NOL4: variants seen among roughly 807,000 people sequenced by gnomAD.
NOL4 encodes the protein nucleolar protein 4.
NOL4 carries 17 observed loss-of-function variants against 75.9 expected under a neutral mutation model. The observed-to-expected ratio is 0.22, with a 90% CI of 0.15 to 0.34. NOL4 has a LOEUF of 0.34. Ranked by LOEUF, NOL4 falls within the 10% of genes least tolerant of loss-of-function variation. The pLI is 1.00. For missense variants in NOL4, 614 were observed against 793.5 expected, an observed-to-expected ratio of 0.77 and a Z score of 2.72; for synonymous variants, 292 against 289.9, an observed-to-expected ratio of 1.01 and a Z score of -0.07.
intron 6 of NOL4, among the ~76,000 whole-genome samples, chr18:33,960,270 G>A (rs1212093787): frequency 6.6e-6 from 1 of 151,880 alleles, no homozygotes; most frequent in Non-Finnish European, 1.5e-5. Context: ...ATACACTATT[G>A]TAATCAAATG....
chr18:34,177,458 A>G (rs1338033336), intron 1 of NOL4, among the ~76,000 whole-genome samples: 1 of 151,994 alleles, frequency 6.6e-6, no homozygotes, highest in African/African-American at 2.4e-5. Context: ...AAATTTGTTA[A>G]AACTTCAAAT....
At chr18:34,075,980 G>A (rs908701204) in intron 5 of NOL4, among the ~76,000 whole-genome samples, 6 of 151,824 alleles carry the variant, frequency 4.0e-5, no homozygotes, top group Non-Finnish European at 7.4e-5. Context: ...TTTTGTGGGG[G>A]GAGTATAAAT....
chr18:33,952,431 T>C (rs2069302436), intron 8 of NOL4, among the ~76,000 whole-genome samples: 1 of 152,072 alleles, frequency 6.6e-6, no homozygotes, highest in African/African-American at 2.4e-5. Flanking sequence ...AATTTGAACA[T>C]ACCAGAAGAA....
rs1321618956 is a variant in NOL4, at chr18:33,958,219, T to TG, written c.1236+19dup. 3 of 1,599,696 alleles carry TG rather than the reference T, an allele frequency of 1.9e-6. No homozygotes were observed. The highest frequency in any genetic ancestry group is 1.3e-5 in the African/African-American group (1 of 74,650). ...GAAGTGGTAAAAATTAAACCACACT[T>TG]GGAGTGTGGCAGGACTCACATTAAA... On this transcript the variant is annotated intron_variant, in intron 7 of 10. Coordinates refer to ENST00000261592, the MANE Select transcript of NOL4 (RefSeq NM_003787.5).
chr18:33,994,756 C>T (rs1206890937), intron 6 of NOL4, among the ~76,000 whole-genome samples: 7 of 151,032 alleles, frequency 4.6e-5, no homozygotes, highest in Non-Finnish European at 7.4e-5. Context: ...ACAAACAAAA[C>T]GTAGTACAAG....
intron 1 of NOL4, among the ~76,000 whole-genome samples, chr18:34,173,744 T>C (rs1204946220): frequency 6.6e-6 from 1 of 152,154 alleles, no homozygotes; most frequent in African/African-American, 2.4e-5. Context: ...CAGAGTGTTA[T>C]ATGAATTATT....
chr18:34,215,384 C>A (rs1600902734), intron 1 of NOL4, among the ~76,000 whole-genome samples: 1 of 152,246 alleles, frequency 6.6e-6, no homozygotes, highest in East Asian at 1.9e-4. Flanking sequence ...GAGATTAAAT[C>A]TTTCTTCAAA....
At chr18:33,890,184 CAA>C (rs1295818762) in intron 9 of NOL4, among the ~76,000 whole-genome samples, 18 of 152,170 alleles carry the variant, frequency 1.2e-4, no homozygotes, top group Admixed American at 3.3e-4. Flanking sequence ...GCAACTTCAG[CAA>C]AGTCTCAGAT....
chr18:34,114,164 G>A (rs1396917460), intron 2 of NOL4, among the ~76,000 whole-genome samples: 1 of 152,140 alleles, frequency 6.6e-6, no homozygotes, highest in African/African-American at 2.4e-5. Flanking sequence ...GTTTTCCAAT[G>A]TGAATATTCT....
intron 6 of NOL4, among the ~76,000 whole-genome samples, chr18:34,005,285 A>T (rs2073971875): frequency 6.6e-6 from 1 of 151,976 alleles, no homozygotes; most frequent in East Asian, 1.9e-4. Flanking sequence ...CTTCAAAATG[A>T]TCCATTGCCA....
chr18:34,106,972 C>G (rs1251545286), intron 2 of NOL4, among the ~76,000 whole-genome samples: 1 of 151,942 alleles, frequency 6.6e-6, no homozygotes, highest in Non-Finnish European at 1.5e-5. Context: ...GGTAAAGGCT[C>G]CATTGGTTTT....
chr18:34,146,548 T>G (rs2081401465), intron 1 of NOL4, among the ~76,000 whole-genome samples: 1 of 152,236 alleles, frequency 6.6e-6, no homozygotes, highest in Middle Eastern at 3.4e-3. Context: ...ATGCGTGGCG[T>G]TATTTCTGAG....
intron 9 of NOL4, among the ~76,000 whole-genome samples, chr18:33,924,131 T>G (rs1232953447): frequency 6.6e-6 from 1 of 152,208 alleles, no homozygotes; most frequent in Non-Finnish European, 1.5e-5. Context: ...CAGTAGCACT[T>G]GTATCAAGCT....
chr18:34,011,894 T>C (rs2074392258), intron 6 of NOL4, among the ~76,000 whole-genome samples: 1 of 151,912 alleles, frequency 6.6e-6, no homozygotes, highest in Non-Finnish European at 1.5e-5. Flanking sequence ...TGAACTATTA[T>C]ATGTCTAAAA....
At chr18:34,131,803 C>G (rs567999001) in intron 1 of NOL4, among the ~76,000 whole-genome samples, 56 of 152,180 alleles carry the variant, frequency 3.7e-4, no homozygotes, top group Admixed American at 1.1e-3. Context: ...TACTACTAAA[C>G]CCTCTGCTAG....
intron 9 of NOL4, among the ~76,000 whole-genome samples, chr18:33,895,429 AT>A (rs1599780616): frequency 6.6e-6 from 1 of 152,180 alleles, no homozygotes; most frequent in Non-Finnish European, 1.5e-5. Flanking sequence ...AAGTAAATGT[AT>A]TTTTTATAGG....
chr18:34,211,133 AAG>A (rs2036488840), intron 1 of NOL4, among the ~76,000 whole-genome samples: 1 of 151,870 alleles, frequency 6.6e-6, no homozygotes, highest in Non-Finnish European at 1.5e-5. Flanking sequence ...GGAAGGAAGG[AAG>A]GAAGGAAAAG....
intron 1 of NOL4, among the ~76,000 whole-genome samples, chr18:34,169,560 T>C (rs1293872512): frequency 1.3e-5 from 2 of 151,158 alleles, no homozygotes; most frequent in Non-Finnish European, 2.9e-5. Flanking sequence ...AGACATCAGA[T>C]TAAAAGGCAA....
chr18:34,068,658 A>C (rs1185523925), intron 5 of NOL4, among the ~76,000 whole-genome samples: 2 of 152,100 alleles, frequency 1.3e-5, no homozygotes, highest in Non-Finnish European at 2.9e-5. Context: ...CGGCCTCCCA[A>C]AGTGCTGGGA....
Sources: allele counts gnomAD v4.1 joint callset (sites outside exome capture counted in the v4.1 genomes callset), GRCh38; gene constraint gnomAD v4.1.1; transcripts MANE v1.5; gene names NCBI Gene and HGNC (gene_info 2026-07-23, HGNC 2026-07-21).